IL11RA: variants seen among roughly 807,000 people sequenced by gnomAD.
IL11RA encodes interleukin 11 receptor subunit alpha, also known as interleukin-11 receptor subunit alpha.
IL11RA carries 51 observed loss-of-function variants against 57.0 expected under a neutral mutation model. That is an observed-to-expected ratio of 0.89 (90% CI 0.71 to 1.13). IL11RA has a LOEUF of 1.13. Among genes scored for constraint, IL11RA ranks in the 50% most tolerant of loss-of-function variants. The pLI is 0.00. For synonymous variants in IL11RA, 199 were observed against 217.5 expected (o/e 0.91, Z 0.75); for missense variants, 498 against 539.4 (o/e 0.92, Z 0.76).
At position 34,658,620 on chromosome 9, in the gene IL11RA, G is replaced by T; in HGVS notation, c.747G>T (p.Gln249His). ...SWTYPASWPC[Q>H]PHFLLKFRLQ... is the part of the protein sequence containing the mutation. ...CATACCCTGCCTCCTGGCCGTGCCA[G>T]CCCCACTTCCTGCTCAAGTTCCGTT... is the stretch of plus-strand genomic sequence containing the variant. Residue 249 changes from glutamine (Q) to histidine (H), a missense_variant, in exon 8 of 13, where the codon CAG (glutamine) becomes CAT (histidine). Gln to His is a conservative substitution (Grantham distance 24). Transcript: ENST00000441545. The surrounding 1 kb of genome is among the most constrained non-coding windows in gnomAD (Gnocchi z 4.0). The T allele has an allele frequency of 6.2e-7, 1 of 1,614,064 alleles. No homozygotes were observed. The highest frequency in any genetic ancestry group is 8.5e-7 in the Non-Finnish European group (1 of 1,180,032).
In IL11RA at chr9:34,661,801, G is replaced by T; in HGVS notation, c.*303G>T. ...CTGCATGCATGTATGTAGGTGCCTG[G>T]GGAGTGTGTGTGGGTCCTTGGCTCT... On this transcript the variant is annotated 3_prime_UTR_variant, in exon 13 of 13. Coordinates refer to ENST00000441545, the MANE Select transcript of IL11RA (RefSeq NM_001142784.3). 1 of 912,202 alleles carries T rather than the reference G, an allele frequency of 1.1e-6. No individual in the cohort carries two copies. 56.5% of individuals were successfully genotyped at this position (912,202 alleles called of 1,614,324 possible). A position where few individuals can be genotyped will look rare whatever the true frequency, so the allele number is the denominator to read the frequency against.
chr9:34,654,740 A>G (rs1380812734), intron 1 of IL11RA, among the ~76,000 whole-genome samples: 1 of 152,146 alleles, frequency 6.6e-6, no homozygotes, highest in Non-Finnish European at 1.5e-5. Flanking sequence ...CCCTTCCCCC[A>G]GGGTGATAAG....
rs1220481352 is a variant in IL11RA at position 34,661,332 on chromosome 9, A to G, written c.1253-150A>G. 1.7e-5 allele frequency: 14 copies of G among 843,034 alleles called. No individual in the cohort carries two copies. The East Asian group carries it at 3.4e-4, about 20-fold the overall frequency. The allele number at this position is 843,034 out of a possible 1,614,324, so 52.2% of individuals were successfully genotyped here. On this transcript the variant is annotated intron_variant, in intron 12 of 12. Coordinates refer to ENST00000441545, the MANE Select transcript of IL11RA (RefSeq NM_001142784.3). ...GAGCTAGGTCCACTCCCGTATCTTC[A>G]GTGTGTTGAAGAGGCTCCCTCAGAG... is the stretch of plus-strand genomic sequence containing the variant.
intron 3 of IL11RA, chr9:34,656,013 A>C (rs1438579079): frequency 2.7e-6 from 1 of 366,656 alleles, no homozygotes; most frequent in African/African-American, 2.1e-5. Flanking sequence ...AGGGATGTCG[A>C]AGAGGACAAC....
At position 34,659,741 on chromosome 9, in the gene IL11RA, A is replaced by G. The variant is rs1223912491; in HGVS notation, c.811-18A>G. ...TGCACTTACAAGCTGGGTAACAGTG[A>G]GTCATGTTTACCCCCAGGTGGAGCC... is the stretch of plus-strand genomic sequence containing the variant. On this transcript the variant is annotated intron_variant, in intron 8 of 12. Transcript: ENST00000441545. 1 of 1,614,020 alleles carries G rather than the reference A, an allele frequency of 6.2e-7. No individual in the cohort carries two copies. The highest frequency in any genetic ancestry group is 8.5e-7 in the Non-Finnish European group (1 of 1,179,982).
Position 34,660,316 on chromosome 9 carries a change from C to G in IL11RA, c.995C>G (p.Thr332Arg), listed in dbSNP as rs376290527. The G allele has an allele frequency of 1.9e-6, 3 of 1,614,246 alleles. No individual in the cohort carries two copies. In the African/African-American group the frequency reaches 4.0e-5, roughly 22 times the overall value. Residue 332 changes from threonine (T) to arginine (R), a missense_variant, in exon 10 of 13, where the codon ACG becomes AGG. Coordinates refer to ENST00000441545, the MANE Select transcript of IL11RA (RefSeq NM_001142784.3). ...KEIPAWGQLH[T>R]QPEVEPQVDS... ...ATACCAGCATGGGGCCAGCTACACA[C>G]GCAGCCAGAGGTGGAGCCTCAGGTG...
rs564043221 is a variant in IL11RA, at chr9:34,660,979, C to T, written c.1252+43C>T. On this transcript the variant is annotated intron_variant, in intron 12 of 12. Transcript: ENST00000441545. ...AAGATTTGGACTTGGAGATGTTTGC[C>T]CCTATTTTGAGTGTCCAGATTAAGA... 38 of 1,514,780 alleles carry T rather than the reference C, an allele frequency of 2.5e-5. No individual in the cohort carries two copies. In the South Asian group the frequency reaches 4.0e-4, roughly 16 times the overall value. 93.8% of individuals were successfully genotyped at this position (1,514,780 alleles called of 1,614,324 possible). A position where few individuals can be genotyped will look rare whatever the true frequency, so the allele number is the denominator to read the frequency against.
intron 3 of IL11RA, among the ~76,000 whole-genome samples, chr9:34,656,096 A>G (rs1821339240): frequency 6.6e-6 from 1 of 151,018 alleles, no homozygotes; most frequent in South Asian, 2.1e-4. Flanking sequence ...CAGTGGTGCA[A>G]TCTGGGCTCA....
At chr9:34,659,168 C>T (rs928869224) in intron 8 of IL11RA, among the ~76,000 whole-genome samples, 4 of 152,142 alleles carry the variant, frequency 2.6e-5, no homozygotes, top group African/African-American at 9.7e-5. Context: ...CACGATCTGC[C>T]CACCTCGGCC....
chr9:34,656,692 T>G, intron 3 of IL11RA, 47 bp from the exon 4 acceptor site: 1 of 1,606,542 alleles, frequency 6.2e-7, no homozygotes, highest in Non-Finnish European at 8.5e-7. Flanking sequence ...GTCTGACTTA[T>G]GCTTGACATC....
chr9:34,652,625 G>T (rs554964930), intron 1 of IL11RA, among the ~76,000 whole-genome samples: 1 of 152,292 alleles, frequency 6.6e-6, no homozygotes, highest in South Asian at 2.1e-4. Context: ...GGCTGGCTTT[G>T]TGTGTGCCAA....
intron 3 of IL11RA, 94 bp from the exon 4 acceptor site, chr9:34,656,645 C>T (rs546231774): frequency 4.9e-6 from 7 of 1,428,508 alleles, no homozygotes; most frequent in South Asian, 4.6e-5. Flanking sequence ...GGTTCTATTG[C>T]AAATGCAGTT....
At position 34,660,503 on chromosome 9, in the gene IL11RA, G is replaced by C. The variant is rs750277587; in HGVS notation, c.1073-1G>C. On this transcript the variant is annotated splice_acceptor_variant, in intron 10 of 12. Coordinates refer to ENST00000441545, the MANE Select transcript of IL11RA (RefSeq NM_001142784.3). LOFTEE classifies it high-confidence loss of function. Reference sequence around the variant, plus strand: ...CAGTGACATGTGGCCCTCCCCCTCAGATCACAGGGACTCTGTGGAGCAGGT... The same window carrying C: ...CAGTGACATGTGGCCCTCCCCCTCACATCACAGGGACTCTGTGGAGCAGGT... 2.5e-6 allele frequency: 4 copies of C among 1,614,188 alleles called. No homozygotes were observed. The Admixed American group carries it at 5.0e-5, about 20-fold the overall frequency.
In IL11RA at chr9:34,661,670, C is replaced by T; in HGVS notation, c.*172C>T. 1 of 786,546 alleles carries T rather than the reference C, an allele frequency of 1.3e-6. No homozygotes were observed. Among genetic ancestry groups the T allele is most frequent in the South Asian group, 1.5e-5 (1 of 68,954 alleles). 48.7% of individuals were successfully genotyped at this position (786,546 alleles called of 1,614,324 possible). Reference sequence around the variant, plus strand: ...ATTTGCAGCTGAAAGGTGCTTGTACCTCTGATTTCACCCCAGAGTTGGAGT... The same window carrying T: ...ATTTGCAGCTGAAAGGTGCTTGTACTTCTGATTTCACCCCAGAGTTGGAGT... On this transcript the variant is annotated 3_prime_UTR_variant, in exon 13 of 13. Transcript: ENST00000441545.
rs1407528859 is a variant in IL11RA, at chr9:34,659,770, T to C, written c.822T>C (p.Ala274=). The change falls in exon 9 of 13, where the codon GCT becomes GCC. Residue 274 remains alanine, a synonymous_variant. Transcript: ENST00000441545. ...QHPAWSTVEP[A]GLEEVITDAV... ...ATGTTTACCCCCAGGTGGAGCCAGC[T>C]GGACTGGAGGAGGTGATCACAGATG... is the stretch of plus-strand genomic sequence containing the variant. The C allele has an allele frequency of 6.2e-7, 1 of 1,614,210 alleles. No homozygotes were observed. Among genetic ancestry groups the C allele is most frequent in the East Asian group, 2.2e-5 (1 of 44,882 alleles).
intron 3 of IL11RA, chr9:34,656,056 G>C: frequency 3.2e-6 from 1 of 311,212 alleles, no homozygotes. Context: ...TTTTTTCCGA[G>C]AGTCTCACTC....
In IL11RA at chr9:34,656,923, GT is replaced by G. The variant is rs2132355454; in HGVS notation, c.331+16del. ...GCAGCTGGGCTGTGAGTTGGGGAGG[GT>G]GGCACTGATGACACATAGGGATCCT... On this transcript the variant is annotated intron_variant, in intron 4 of 12. Coordinates refer to ENST00000441545, the MANE Select transcript of IL11RA (RefSeq NM_001142784.3). The G allele has an allele frequency of 6.2e-7, 1 of 1,614,034 alleles. No homozygotes were observed. Among genetic ancestry groups the G allele is most frequent in the East Asian group, 2.2e-5 (1 of 44,864 alleles).
chr9:34,659,686 G>A (rs1564105631), intron 8 of IL11RA, 73 bp from the exon 9 acceptor site: 1 of 1,578,190 alleles, frequency 6.3e-7, no homozygotes, highest in Non-Finnish European at 8.7e-7. Flanking sequence ...AGCAAGGGGT[G>A]CTCTTTGTAG....
chr9:34,657,196 G>A (rs1339872672), intron 5 of IL11RA, 47 bp downstream of exon 5: 2 of 1,603,388 alleles, frequency 1.2e-6, no homozygotes, highest in African/African-American at 1.3e-5. Flanking sequence ...GGGTATGCTG[G>A]TGCAATGTGG....
Sources: allele counts gnomAD v4.1 joint callset (sites outside exome capture counted in the v4.1 genomes callset), GRCh38; gene constraint gnomAD v4.1.1; non-coding constraint Gnocchi (gnomAD v3.1); transcripts MANE v1.5; gene names NCBI Gene and HGNC (gene_info 2026-07-23, HGNC 2026-07-21).